The following SLC16A10 variants were observed in gnomAD, a reference collection of about 807,000 sequenced individuals.
The protein encoded by SLC16A10 is solute carrier family 16 member 10.
A neutral mutation model predicts 40.0 loss-of-function variants in SLC16A10; 27 were observed. The observed-to-expected ratio is 0.67, with a 90% CI of 0.50 to 0.93. The LOEUF is 0.93. SLC16A10 is among the 40% of genes least tolerant of loss of function. The pLI, the probability that SLC16A10 is intolerant of heterozygous loss-of-function variation, is 0.00. For synonymous variants in SLC16A10, 213 were observed against 249.8 expected (o/e 0.85, Z 1.39); for missense variants, 529 against 658.2 (o/e 0.80, Z 2.15).
intron 1 of SLC16A10, among the ~76,000 whole-genome samples, chr6:111,145,903 G>A (rs1772069167): frequency 6.6e-6 from 1 of 152,122 alleles, no homozygotes; most frequent in South Asian, 2.1e-4. Context: ...CCTTGGATTA[G>A]GCAATGGTTT....
intron 3 of SLC16A10, among the ~76,000 whole-genome samples, chr6:111,202,129 T>A (rs757961508): frequency 6.6e-6 from 1 of 152,198 alleles, no homozygotes; most frequent in Non-Finnish European, 1.5e-5. Context: ...ACAGGATCTG[T>A]CTGTGGGCTC....
At chr6:111,089,456 A>G (rs938232574) in intron 1 of SLC16A10, among the ~76,000 whole-genome samples, 3 of 152,206 alleles carry the variant, frequency 2.0e-5, no homozygotes, top group African/African-American at 4.8e-5. Flanking sequence ...AACTCATTCT[A>G]AACAATGCTG....
In SLC16A10 at chr6:111,105,453, C is replaced by A. The variant is rs1353657895; in HGVS notation, c.343+17358C>A. Among the ~76,000 whole-genome samples the A allele has an allele frequency of 3.9e-5, 6 of 152,168 alleles. No homozygotes were observed. The East Asian group carries it at 1.2e-3, about 29-fold the overall frequency. On this transcript the variant is annotated intron_variant, in intron 1 of 5. Coordinates refer to ENST00000368851, the MANE Select transcript of SLC16A10 (RefSeq NM_018593.5). ...TGACTGGGACTGGGGTGGAATATTG[C>A]ACAGTTTATTGAGAAATATGGACTG...
chr6:111,150,779 A>G (rs1204970323), intron 1 of SLC16A10, among the ~76,000 whole-genome samples: 1 of 152,222 alleles, frequency 6.6e-6, no homozygotes, highest in African/African-American at 2.4e-5. Flanking sequence ...AGTTGACTCC[A>G]CTGAGAAGTC....
intron 1 of SLC16A10, among the ~76,000 whole-genome samples, chr6:111,099,026 G>GA (rs1052168424): frequency 1.3e-5 from 2 of 152,038 alleles, no homozygotes; most frequent in Non-Finnish European, 2.9e-5. Context: ...GGCTTAAACT[G>GA]AAAAAAGGAT....
At chr6:111,114,705 G>A (rs1771453934) in intron 1 of SLC16A10, among the ~76,000 whole-genome samples, 1 of 152,004 alleles carries the variant, frequency 6.6e-6, no homozygotes, top group South Asian at 2.1e-4. Context: ...AATGGAGGGG[G>A]GAGGCCAGAG....
intron 1 of SLC16A10, among the ~76,000 whole-genome samples, chr6:111,139,851 A>G (rs911211870): frequency 3.9e-5 from 6 of 152,214 alleles, no homozygotes; most frequent in Admixed American, 6.5e-5. Flanking sequence ...ACTGCTTTCC[A>G]CAATGGTTGA....
At position 111,144,492 on chromosome 6, in the gene SLC16A10, C is replaced by T. The variant is rs949343132; in HGVS notation, c.344-28203C>T. 6.6e-5 allele frequency among the ~76,000 whole-genome samples: 10 copies of T among 152,246 alleles called. No homozygotes were observed. The East Asian group carries it at 1.2e-3, about 18-fold the overall frequency. On this transcript the variant is annotated intron_variant, in intron 1 of 5. Coordinates refer to ENST00000368851, the MANE Select transcript of SLC16A10 (RefSeq NM_018593.5). ...TGCTGGGATTACAGGCATGAGCCACCGCGCCTGGCCTATTTGAATGATTTT... is the reference window on the plus strand; with the variant it reads ...TGCTGGGATTACAGGCATGAGCCACTGCGCCTGGCCTATTTGAATGATTTT...
chr6:111,183,665 C>T (rs1349727363), intron 3 of SLC16A10, among the ~76,000 whole-genome samples: 1 of 152,184 alleles, frequency 6.6e-6, no homozygotes, highest in Non-Finnish European at 1.5e-5. Flanking sequence ...AACAAATAAG[C>T]TCAAACTAAG....
At chr6:111,161,761 A>G (rs1772376446) in intron 1 of SLC16A10, among the ~76,000 whole-genome samples, 6 of 152,206 alleles carry the variant, frequency 3.9e-5, no homozygotes, top group Admixed American at 3.9e-4. Context: ...ACATGCCCAG[A>G]TAACAGGTGG....
intron 3 of SLC16A10, among the ~76,000 whole-genome samples, chr6:111,190,679 G>A (rs1418641126): frequency 6.6e-6 from 1 of 152,182 alleles, no homozygotes; most frequent in African/African-American, 2.4e-5. Context: ...CCAAGGCTTG[G>A]GGCTTGCACC....
chr6:111,165,641 T>C (rs977247659), intron 1 of SLC16A10, among the ~76,000 whole-genome samples: 1 of 152,208 alleles, frequency 6.6e-6, no homozygotes, highest in Non-Finnish European at 1.5e-5. Context: ...CAACAAGCCT[T>C]AAGTAAGGTT....
At chr6:111,157,374 C>T (rs903775914) in intron 1 of SLC16A10, among the ~76,000 whole-genome samples, 2 of 151,930 alleles carry the variant, frequency 1.3e-5, no homozygotes, top group African/African-American at 4.8e-5. Context: ...ACCTCCACTT[C>T]CCGGGTTCAA....
Position 111,163,899 on chromosome 6 carries a change from C to G in SLC16A10, c.344-8796C>G, listed in dbSNP as rs747264549. 3.9e-5 allele frequency among the ~76,000 whole-genome samples: 6 copies of G among 152,292 alleles called. No individual in the cohort carries two copies. The East Asian group carries it at 9.6e-4, about 24-fold the overall frequency. On this transcript the variant is annotated intron_variant, in intron 1 of 5. Transcript: ENST00000368851. ...AATCCATCTCTGGTCTCTCCCACAC[C>G]CTTTATTTTTTGATGAAATCTTTAG...
At chr6:111,156,659 T>C (rs1772275351) in intron 1 of SLC16A10, among the ~76,000 whole-genome samples, 1 of 152,132 alleles carries the variant, frequency 6.6e-6, no homozygotes, top group East Asian at 1.9e-4. Context: ...TAAGGAGATA[T>C]GACGACTAAA....
intron 4 of SLC16A10, among the ~76,000 whole-genome samples, chr6:111,209,286 A>G (rs1417867653): frequency 6.6e-6 from 1 of 152,154 alleles, no homozygotes; most frequent in African/African-American, 2.4e-5. Flanking sequence ...GGCAGGAAGA[A>G]CCAAGGCAGA....
rs562240216 is a variant in SLC16A10, at chr6:111,217,536, AC to A, written c.1087-1272del. The stretch of plus-strand genomic sequence containing the variant: ...ATGATCTCGGCTCACTGCAAGCTCC[AC>A]CCCCCGGATTCACGCCATTCTCCTG... On this transcript the variant is annotated intron_variant, in intron 4 of 5. Coordinates refer to ENST00000368851, the MANE Select transcript of SLC16A10 (RefSeq NM_018593.5). Among the ~76,000 whole-genome samples, 21 of 151,550 alleles carry A rather than the reference AC, an allele frequency of 1.4e-4. No individual in the cohort carries two copies. The East Asian group carries it at 2.9e-3, about 21-fold the overall frequency.
intron 1 of SLC16A10, among the ~76,000 whole-genome samples, chr6:111,092,081 G>T (rs1258398394): frequency 6.6e-6 from 1 of 152,138 alleles, no homozygotes; most frequent in Non-Finnish European, 1.5e-5. Context: ...GGGTGGGGAA[G>T]GCATTTGACG....
At chr6:111,159,067 CA>C (rs548809670) in intron 1 of SLC16A10, among the ~76,000 whole-genome samples, 548 of 23,374 alleles carry the variant, frequency 0.023, no homozygotes, top group African/African-American at 0.027. Context: ...GACCCTGACT[CA>C]AAAAAAAAAA....
Sources: allele counts gnomAD v4.1 joint callset (sites outside exome capture counted in the v4.1 genomes callset), GRCh38; gene constraint gnomAD v4.1.1; transcripts MANE v1.5; gene names NCBI Gene and HGNC (gene_info 2026-07-23, HGNC 2026-07-21).